Variants in KCNN2 observed in about 807,000 individuals in gnomAD.
KCNN2 encodes the protein small conductance calcium-activated potassium channel protein 2.
Under a neutral mutation model 55.5 loss-of-function variants are expected in KCNN2, and 24 were observed. The observed-to-expected ratio is 0.43, with a 90% CI of 0.31 to 0.61. The LOEUF is 0.61. KCNN2 is among the 20% of genes least tolerant of loss of function. The pLI is 0.08. For synonymous variants in KCNN2, 431 were observed against 336.1 expected (o/e 1.28, Z -3.09); for missense variants, 754 against 853.6 (o/e 0.88, Z 1.45).
intron 1 of KCNN2, among the ~76,000 whole-genome samples, chr5:114,092,586 C>T (rs1197862199): frequency 6.6e-6 from 1 of 152,174 alleles, no homozygotes; most frequent in Non-Finnish European, 1.5e-5. Flanking sequence ...CTGCACCACC[C>T]TAGCAGAGTT....
Position 114,362,667 on chromosome 5 carries a change from G to C in KCNN2, c.528G>C (p.Leu176=). 7.1e-7 allele frequency: 1 copy of C among 1,407,426 alleles called. No homozygotes were observed. Among genetic ancestry groups the C allele is most frequent in the Middle Eastern group, 2.0e-4 (1 of 5,060 alleles). The allele number at this position is 1,407,426 out of a possible 1,614,324, so 87.2% of individuals were successfully genotyped here. Residue 176 remains leucine (L), a synonymous_variant, in exon 1 of 8, where the codon CTG becomes CTC. Coordinates refer to ENST00000673685, the MANE Select transcript of KCNN2 (RefSeq NM_021614.4). ...GCCCCACGGGCAGCCTCGGCAGTCTGGGCTCCGGGCCCCCGCTCTCGCACC... is the reference window on the plus strand; with the variant it reads ...GCCCCACGGGCAGCCTCGGCAGTCTCGGCTCCGGGCCCCCGCTCTCGCACC... The part of the protein sequence containing the change: ...AASPTGSLGS[L]GSGPPLSHHH...
rs544641335 is a variant in KCNN2, at chr5:114,309,460, A to G, written c.-184-51485A>G. Among the ~76,000 whole-genome samples the G allele has an allele frequency of 1.4e-3, 220 of 152,284 alleles. 1 individual carries two copies. The highest frequency in any genetic ancestry group is 4.6e-3 in the Admixed American group (71 of 15,282). On this transcript the variant is annotated intron_variant, in intron 2 of 10. Coordinates refer to the KCNN2 transcript ENST00000512097. ...TTACAAAGCTCATGCCCTGAGTCCA[A>G]ATTGCTTTGTGTATATGGTGAGTTT... is the stretch of plus-strand genomic sequence containing the variant.
At chr5:114,443,075 G>A (rs1202950978) in intron 3 of KCNN2, among the ~76,000 whole-genome samples, 1 of 152,060 alleles carries the variant, frequency 6.6e-6, no homozygotes, top group Admixed American at 6.5e-5. Flanking sequence ...GTCAGATCAC[G>A]AGGTCAGGAG....
Position 114,117,868 on chromosome 5 carries a change from C to T in KCNN2, c.-271+61368C>T, listed in dbSNP as rs527988279. On this transcript the variant is annotated intron_variant, in intron 1 of 10. Coordinates refer to the KCNN2 transcript ENST00000512097. Reference sequence around the variant, plus strand: ...CAGTGCTCTACCTCTGAGCTGTACCCTCTCCTTCATTTAATCCCTATAGGT... The same window carrying T: ...CAGTGCTCTACCTCTGAGCTGTACCTTCTCCTTCATTTAATCCCTATAGGT... Among the ~76,000 whole-genome samples the T allele has an allele frequency of 5.9e-5, 9 of 152,274 alleles. 1 individual carries two copies. In the South Asian group the frequency reaches 1.9e-3, roughly 32 times the overall value.
At chr5:114,291,522 T>C (rs1194559510) in intron 2 of KCNN2, among the ~76,000 whole-genome samples, 1 of 152,224 alleles carries the variant, frequency 6.6e-6, no homozygotes, top group African/African-American at 2.4e-5. Context: ...CATGAACTTG[T>C]CATTTTTTAT....
At chr5:114,108,978 C>A (rs1250407589) in intron 1 of KCNN2, among the ~76,000 whole-genome samples, 2 of 151,262 alleles carry the variant, frequency 1.3e-5, no homozygotes, top group Non-Finnish European at 2.9e-5. Flanking sequence ...TTTTATATTT[C>A]CAGTATCAGT....
chr5:114,367,012 A>C (rs1396020472), intron 2 of KCNN2, among the ~76,000 whole-genome samples: 1 of 152,204 alleles, frequency 6.6e-6, no homozygotes, highest in East Asian at 1.9e-4. Flanking sequence ...AGGAAAAGTA[A>C]GTGTTATAGC....
At chr5:114,326,065 A>G (rs566906387) in intron 2 of KCNN2, among the ~76,000 whole-genome samples, 30 of 152,352 alleles carry the variant, frequency 2.0e-4, no homozygotes, top group African/African-American at 5.8e-4. Context: ...TGCCAAATGA[A>G]TTATGAAAAA....
At chr5:114,068,773 G>T (rs142384690) in intron 1 of KCNN2, among the ~76,000 whole-genome samples, 2 of 151,990 alleles carry the variant, frequency 1.3e-5, no homozygotes, top group East Asian at 3.9e-4. Context: ...GCTTTTCTTT[G>T]CTTTTGCTTT....
At chr5:114,257,072 CATATAACTATTTA>C (rs61458143) in intron 2 of KCNN2, among the ~76,000 whole-genome samples, 122,599 of 151,858 alleles carry the variant, frequency 0.81, 49,577 homozygotes, top group East Asian at 0.88. Context: ...CATTCTTCTG[CATATAACTATTTA>C]ATATTCCCAG....
At chr5:114,200,683 A>AT (rs1753656734) in intron 1 of KCNN2, among the ~76,000 whole-genome samples, 1 of 150,504 alleles carries the variant, frequency 6.6e-6, no homozygotes, top group African/African-American at 2.5e-5. Flanking sequence ...AGTAGGGATA[A>AT]TTTTTTTCCT....
intron 2 of KCNN2, among the ~76,000 whole-genome samples, chr5:114,331,193 G>A (rs1480720220): frequency 6.6e-6 from 1 of 152,168 alleles, no homozygotes; most frequent in African/African-American, 2.4e-5. Flanking sequence ...ACAAAAGGTA[G>A]GGTTGGGAGG....
intron 3 of KCNN2, among the ~76,000 whole-genome samples, chr5:114,406,584 A>C (rs1758941540): frequency 7.0e-6 from 1 of 143,546 alleles, no homozygotes; most frequent in South Asian, 2.2e-4. Context: ...TTATTTGCTT[A>C]GTTTTCTGTA....
At chr5:114,255,444 G>A (rs1034448896) in intron 2 of KCNN2, among the ~76,000 whole-genome samples, 2 of 152,158 alleles carry the variant, frequency 1.3e-5, no homozygotes, top group African/African-American at 4.8e-5. Context: ...GGTATTCTGG[G>A]AATTGTAAAG....
rs967181163 is a variant in KCNN2 at position 114,085,186 on chromosome 5, G to T, written c.-271+28686G>T. ...TTTCTTCTTCGTTTTAGCTAGTATT[G>T]TGCTAGCTTTTCTGGGTCTTTTCCC... On this transcript the variant is annotated intron_variant, in intron 1 of 10. Coordinates refer to the KCNN2 transcript ENST00000512097. Among the ~76,000 whole-genome samples, 4 of 151,688 alleles carry T rather than the reference G, an allele frequency of 2.6e-5. No homozygotes were observed. The East Asian group carries it at 7.7e-4, about 29-fold the overall frequency.
At chr5:114,119,000 T>C (rs1203152021) in intron 1 of KCNN2, among the ~76,000 whole-genome samples, 2 of 152,152 alleles carry the variant, frequency 1.3e-5, no homozygotes, top group African/African-American at 4.8e-5. Flanking sequence ...AGGAGGATAA[T>C]GCCAATCTCA....
rs115643118 is a variant in KCNN2, at chr5:114,448,399, C to A, written c.1638-14650C>A. ...CGTTCACTACACTGTGCTCCTCCTG[C>A]ATGAACCTAGACCTGTGTTTTAATT... is the stretch of plus-strand genomic sequence containing the variant. On this transcript the variant is annotated intron_variant, in intron 3 of 7. Transcript: ENST00000673685. Among the ~76,000 whole-genome samples, 1,443 of 152,296 alleles carry A rather than the reference C, an allele frequency of 9.5e-3. 19 individuals are homozygous for A. The highest frequency in any genetic ancestry group is 0.033 in the African/African-American group (1,374 of 41,548).
chr5:114,113,032 A>G (rs2112585594), intron 1 of KCNN2, among the ~76,000 whole-genome samples: 1 of 152,178 alleles, frequency 6.6e-6, no homozygotes, highest in Non-Finnish European at 1.5e-5. Context: ...CTTATTAAAG[A>G]TGGGTAGTGA....
At chr5:114,480,440 C>G (rs995578582) in intron 5 of KCNN2, among the ~76,000 whole-genome samples, 5 of 152,152 alleles carry the variant, frequency 3.3e-5, no homozygotes, top group African/African-American at 1.2e-4. Flanking sequence ...CGAAGAAGAG[C>G]TGGTGCCATT....
Sources: gnomAD v4.1 joint callset for allele counts (sites outside exome capture counted in the v4.1 genomes callset) on GRCh38, gnomAD v4.1.1 for gene constraint, MANE v1.5 for transcripts, NCBI Gene and HGNC (gene_info 2026-07-23, HGNC 2026-07-21) for gene names.